The following GSE1 variants were observed in gnomAD, a reference collection of about 807,000 sequenced individuals.
GSE1 encodes Gse1 coiled-coil protein.
GSE1 carries 32 observed loss-of-function variants against 112.6 expected under a neutral mutation model. The ratio of observed to expected loss-of-function variants is 0.28; its 90% CI spans 0.21 to 0.38. The LOEUF (loss-of-function observed/expected upper bound fraction) is 0.38. Ranked by LOEUF, GSE1 falls within the 10% of genes least tolerant of loss-of-function variation. The probability of loss-of-function intolerance (pLI) is 1.00; values close to 1 mark genes in which losing one functional copy is unlikely to be tolerated. For missense variants in GSE1, 2,348 were observed against 1,699.2 expected (o/e 1.38, Z -6.71); for synonymous variants, 1,115 against 735.6 (o/e 1.52, Z -8.35).
chr16:85,235,365 CAGAG>C (rs1904491532), intron 1 of GSE1, among the ~76,000 whole-genome samples: 1 of 151,334 alleles, frequency 6.6e-6, no homozygotes. Flanking sequence ...CCTCCCACCT[CAGAG>C]AGGCCTCTCC....
intron 1 of GSE1, among the ~76,000 whole-genome samples, chr16:85,187,979 C>G (rs1343872617): frequency 1.3e-5 from 2 of 152,236 alleles, no homozygotes; most frequent in Non-Finnish European, 2.9e-5. Context: ...GGCCTTGTAG[C>G]AGGACCCCTG....
At chr16:85,425,581 C>T (rs541757434) in intron 2 of GSE1, among the ~76,000 whole-genome samples, 2 of 152,296 alleles carry the variant, frequency 1.3e-5, no homozygotes, top group African/African-American at 4.8e-5. Flanking sequence ...GAGACTGAGC[C>T]GCAGGGAAGA....
chr16:85,612,174 A>G (rs530768908), upstream of GSE1, among the ~76,000 whole-genome samples: 1 of 131,854 alleles, frequency 7.6e-6, no homozygotes, highest in African/African-American at 2.8e-5. Flanking sequence ...AGGCTCGCCG[A>G]CCCCTGCCCC....
chr16:85,651,274 C>G (rs2051329853), intron 3 of GSE1, among the ~76,000 whole-genome samples: 3 of 151,960 alleles, frequency 2.0e-5, no homozygotes, highest in Admixed American at 2.0e-4. Context: ...GGGGGCAGCC[C>G]TGTGCCTCAC....
Position 85,672,515 on chromosome 16 carries a change from C to T in GSE1, c.3630C>T (p.Gly1210=), listed in dbSNP as rs2053435472. 4 of 1,609,916 alleles carry T rather than the reference C, an allele frequency of 2.5e-6. No homozygotes were observed. The highest frequency in any genetic ancestry group is 1.7e-5 in the Admixed American group (1 of 59,896). Residue 1210 remains glycine, a synonymous_variant, in exon 16 of 16, where the codon GGC becomes GGT. Transcript: ENST00000253458. ...LALPAMHWPR[G]YLKGYPR is the part of the protein sequence containing the mutation. The stretch of plus-strand genomic sequence containing the variant: ...TGCCTGCAATGCACTGGCCTAGGGG[C>T]TACCTGAAGGGATATCCCAGGTGAC...
At chr16:85,631,567 G>A (rs1047803383) in intron 1 of GSE1, among the ~76,000 whole-genome samples, 2 of 152,230 alleles carry the variant, frequency 1.3e-5, no homozygotes, top group Non-Finnish European at 2.9e-5. Flanking sequence ...GCGTGGCCTT[G>A]GCTGGACCCC....
chr16:85,205,542 C>G (rs1271035100), intron 1 of GSE1, among the ~76,000 whole-genome samples: 1 of 152,192 alleles, frequency 6.6e-6, no homozygotes, highest in African/African-American at 2.4e-5. Context: ...GGCTTTGTGT[C>G]TTCACTGCCT....
intron 2 of GSE1, among the ~76,000 whole-genome samples, chr16:85,535,522 G>T (rs569265909): frequency 1.1e-4 from 17 of 152,340 alleles, no homozygotes; most frequent in African/African-American, 3.6e-4. Flanking sequence ...GTAAAGGTTG[G>T]CCTCCTTATC....
chr16:85,349,513 C>CTG (rs1165079973), intron 1 of GSE1, among the ~76,000 whole-genome samples: 1 of 152,094 alleles, frequency 6.6e-6, no homozygotes, highest in Non-Finnish European at 1.5e-5. Context: ...AGCACTGGTG[C>CTG]TGCAACCTGA....
rs1040111553 is a variant in GSE1 at position 85,675,251 on chromosome 16, C to G, written c.*2712C>G. ...GTGTCAGGATGCACCTGAAAGCCCT[C>G]GGCTCGGTCCTTAGACCATCTTCCT... On this transcript the variant is annotated 3_prime_UTR_variant, in exon 16 of 16. Coordinates refer to ENST00000253458, the MANE Select transcript of GSE1 (RefSeq NM_014615.5). 2 of 152,186 alleles carry G rather than the reference C, an allele frequency of 1.3e-5. No individual in the cohort carries two copies. The highest frequency in any genetic ancestry group is 4.8e-5 in the African/African-American group (2 of 41,422). 9.4% of individuals were successfully genotyped at this position (152,186 alleles called of 1,614,324 possible).
At chr16:85,486,348 C>T (rs1038233851) in intron 2 of GSE1, among the ~76,000 whole-genome samples, 4 of 152,196 alleles carry the variant, frequency 2.6e-5, no homozygotes, top group Non-Finnish European at 4.4e-5. Context: ...CACGTGCACA[C>T]GAGCCCGGGA....
At chr16:85,672,225 C>T (rs566531531) in intron 15 of GSE1, 180 bp from the exon 16 acceptor site, 238 of 600,490 alleles carry the variant, frequency 4.0e-4, no homozygotes, top group African/African-American at 1.3e-3. Context: ...GAACTCCTGA[C>T]GACAGGTGAT....
In GSE1 at chr16:85,657,431, G is replaced by A. The variant is rs201066095; in HGVS notation, c.1467G>A (p.Gln489=). The A allele has an allele frequency of 5.6e-5, 91 of 1,612,632 alleles. No individual in the cohort carries two copies. The highest frequency in any genetic ancestry group is 7.5e-5 in the Non-Finnish European group (89 of 1,179,836). ...GTGCTGCCACAGCCCTGCTGATCCA[G>A]CGCACCAATGAGGAGGAGAAGTGGC... The part of the protein sequence containing the change: ...SSSAATALLI[Q]RTNEEEKWLA... The change falls in exon 8 of 16, where the codon CAG becomes CAA. Residue 489 remains glutamine, a synonymous_variant. Transcript: ENST00000253458.
intron 1 of GSE1, among the ~76,000 whole-genome samples, chr16:85,331,619 G>GTATA (rs2046365539): frequency 2.5e-5 from 2 of 79,546 alleles, no homozygotes; most frequent in East Asian, 3.1e-4. Context: ...GTATATATGT[G>GTATA]TGTATATATG....
chr16:85,607,417 G>A (rs1009536586), upstream of GSE1, among the ~76,000 whole-genome samples: 3 of 152,218 alleles, frequency 2.0e-5, no homozygotes, highest in Non-Finnish European at 1.5e-5. Context: ...GCTCGGCGGC[G>A]CTCACAAAGC....
chr16:85,664,940 G>A (rs1049981760), intron 11 of GSE1, 75 bp from the exon 12 acceptor site: 11 of 1,013,520 alleles, frequency 1.1e-5, no homozygotes, highest in African/African-American at 1.6e-5. Flanking sequence ...CTCAAGGCTC[G>A]GCTAGAATCC....
intron 1 of GSE1, among the ~76,000 whole-genome samples, chr16:85,233,616 ATG>A (rs990130488): frequency 1.3e-5 from 2 of 151,984 alleles, no homozygotes; most frequent in Non-Finnish European, 2.9e-5. Context: ...TGGCCTCTGC[ATG>A]TGTGTGTGTG....
chr16:85,282,088 C>T (rs1034461464), intron 1 of GSE1, among the ~76,000 whole-genome samples: 1 of 151,540 alleles, frequency 6.6e-6, no homozygotes, highest in Non-Finnish European at 1.5e-5. Context: ...AGTGCAGTGG[C>T]ACGATTTCAG....
chr16:85,646,837 C>T (rs1204983791), intron 2 of GSE1, among the ~76,000 whole-genome samples: 1 of 151,746 alleles, frequency 6.6e-6, no homozygotes, highest in African/African-American at 2.4e-5. Context: ...ACTGGCAGCC[C>T]CAGCCTCTGG....
Sources: allele counts gnomAD v4.1 joint callset (sites outside exome capture counted in the v4.1 genomes callset), GRCh38; gene constraint gnomAD v4.1.1; transcripts MANE v1.5; gene names NCBI Gene and HGNC (gene_info 2026-07-23, HGNC 2026-07-21).